Variants in GORAB observed in about 807,000 individuals in gnomAD.
GORAB encodes golgin, RAB6 interacting, also known as RAB6-interacting golgin.
GORAB carries 17 observed loss-of-function variants against 29.9 expected under a neutral mutation model. The observed-to-expected ratio is 0.57, with a 90% CI of 0.39 to 0.85. GORAB has a LOEUF of 0.85. Ranked by LOEUF, GORAB falls within the 40% of genes least tolerant of loss-of-function variation. GORAB has a pLI of 0.00. For missense variants in GORAB, 442 were observed against 437.8 expected, an observed-to-expected ratio of 1.01 and a Z score of -0.09; for synonymous variants, 183 against 157.2, an observed-to-expected ratio of 1.16 and a Z score of -1.23.
chr1:170,545,014 G>T (rs1649669817), intron 4 of GORAB, 169 bp downstream of exon 4: 18 of 1,356,022 alleles, frequency 1.3e-5, no homozygotes, highest in Non-Finnish European at 1.7e-5. Flanking sequence ...CTTCAGTGAA[G>T]TCTTCCTTAA....
At chr1:170,548,097 A>G (rs1649872778) in intron 4 of GORAB, among the ~76,000 whole-genome samples, 1 of 152,224 alleles carries the variant, frequency 6.6e-6, no homozygotes, top group Non-Finnish European at 1.5e-5. Context: ...CTTCTCTTTC[A>G]TTTCTGGAGG....
Position 170,552,450 on chromosome 1 carries a change from T to G in GORAB, c.1098T>G (p.Ala366=), listed in dbSNP as rs1310268879. ...AAGAAGGTAATGACATTTCAGCTGC[T>G]TTGGCCACATGAAGTTCTGGTATTC... ...PNQEGNDISA[A]LAT is the part of the protein sequence containing the mutation. The change falls in exon 5 of 5, where the codon GCT becomes GCG. Residue 366 remains alanine (A), a synonymous_variant. Transcript: ENST00000367763. 6.2e-7 allele frequency: 1 copy of G among 1,613,688 alleles called. No homozygotes were observed. The highest frequency in any genetic ancestry group is 1.7e-5 in the Admixed American group (1 of 60,024).
chr1:170,546,625 C>T (rs1324652838), intron 4 of GORAB, among the ~76,000 whole-genome samples: 1 of 152,074 alleles, frequency 6.6e-6, no homozygotes, highest in Non-Finnish European at 1.5e-5. Context: ...GACAGTTTCT[C>T]ATGGTACTAA....
In GORAB at chr1:170,532,200, T is replaced by C; in HGVS notation, c.-24T>C. On this transcript the variant is annotated 5_prime_UTR_variant, in exon 1 of 5. Transcript: ENST00000367763. ...CGCGGCTGCGAGATTTGGGCACTTT[T>C]GGGGGTGCCGGTGGCCCGGGCCGAT... The C allele has an allele frequency of 1.9e-6, 3 of 1,613,814 alleles. No individual in the cohort carries two copies. The highest frequency in any genetic ancestry group is 1.7e-5 in the Admixed American group (1 of 60,016).
intron 4 of GORAB, among the ~76,000 whole-genome samples, chr1:170,548,307 T>A (rs2101831082): frequency 6.6e-6 from 1 of 152,142 alleles, no homozygotes; most frequent in South Asian, 2.1e-4. Context: ...AAGATGCATG[T>A]GATTACACTT....
intron 1 of GORAB, among the ~76,000 whole-genome samples, chr1:170,534,438 A>G (rs886409547): frequency 2.0e-5 from 3 of 152,184 alleles, no homozygotes; most frequent in Non-Finnish European, 4.4e-5. Context: ...GGACTTGAGT[A>G]TGCACAGATT....
intron 2 of GORAB, among the ~76,000 whole-genome samples, chr1:170,541,697 T>C (rs1426351114): frequency 1.3e-5 from 2 of 152,336 alleles, no homozygotes; most frequent in South Asian, 4.1e-4. Context: ...TTATGGGAAA[T>C]TTTAATGTAT....
At chr1:170,542,371 A>T in intron 2 of GORAB, 120 bp from the exon 3 acceptor site, 1 of 660,182 alleles carries the variant, frequency 1.5e-6, no homozygotes. Context: ...GAAAGAACAT[A>T]TACATAAATC....
At chr1:170,540,673 T>C (rs1425099927) in intron 2 of GORAB, among the ~76,000 whole-genome samples, 3 of 152,244 alleles carry the variant, frequency 2.0e-5, no homozygotes, top group Non-Finnish European at 4.4e-5. Flanking sequence ...GAGGTAAGTT[T>C]ACATTGAGCT....
chr1:170,546,082 G>A (rs912681258), intron 4 of GORAB, among the ~76,000 whole-genome samples: 37 of 152,218 alleles, frequency 2.4e-4, no homozygotes, highest in African/African-American at 8.7e-4. Context: ...TAAGGTAGAA[G>A]TACTAGGTAC....
Position 170,552,245 on chromosome 1 carries a change from T to C in GORAB, c.893T>C (p.Val298Ala). The change falls in exon 5 of 5, where the codon GTA becomes GCA. Residue 298 changes from valine (V) to alanine (A), a missense_variant. Coordinates refer to ENST00000367763, the MANE Select transcript of GORAB (RefSeq NM_152281.3). Reference protein sequence around the residue: ...EVERLLHEQEVESRRPVVRLE... With the variant: ...EVERLLHEQEAESRRPVVRLE... ...GAGAGATTGCTACACGAACAAGAAG[T>C]AGAATCAAGGAGACCAGTGGTTCGT... 6.2e-7 allele frequency: 1 copy of C among 1,614,030 alleles called. No individual in the cohort carries two copies. The highest frequency in any genetic ancestry group is 1.7e-5 in the Admixed American group (1 of 60,012).
intron 4 of GORAB, among the ~76,000 whole-genome samples, chr1:170,548,606 C>G (rs1398506731): frequency 3.9e-5 from 6 of 152,168 alleles, no homozygotes; most frequent in Non-Finnish European, 8.8e-5. Flanking sequence ...ATGGTGTTTT[C>G]AGTCTTCTTT....
chr1:170,539,406 G>T lies in GORAB; in HGVS notation c.258G>T (p.Pro86=), dbSNP rs377442498. The change falls in exon 2 of 5, where the codon CCG becomes CCT. Residue 86 remains proline, a synonymous_variant. Transcript: ENST00000367763. The part of the protein sequence containing the change: ...QKPPFSSPTL[P]SHFTLTSPVG... ...CACCTTTTTCTTCCCCTACTCTTCC[G>T]AGTCATTTCACTCTCACCTCCCCCG... 6.2e-7 allele frequency: 1 copy of T among 1,613,956 alleles called. No individual in the cohort carries two copies. Among genetic ancestry groups the T allele is most frequent in the African/African-American group, 1.3e-5 (1 of 74,884 alleles).
intron 1 of GORAB, 137 bp downstream of exon 1, chr1:170,532,421 A>AT: frequency 1.1e-6 from 1 of 929,338 alleles, no homozygotes; most frequent in Non-Finnish European, 1.7e-6. Context: ...CGTGGACTGG[A>AT]TTAGGGGGTT....
chr1:170,532,354 CG>C, intron 1 of GORAB, 70 bp downstream of exon 1: 1 of 1,529,068 alleles, frequency 6.5e-7, no homozygotes, highest in Non-Finnish European at 9.0e-7. Flanking sequence ...GCAGCTTTGG[CG>C]GGGAAAGGGG....
chr1:170,534,892 G>A (rs1182815445), intron 1 of GORAB, among the ~76,000 whole-genome samples: 1 of 152,134 alleles, frequency 6.6e-6, no homozygotes, highest in East Asian at 1.9e-4. Flanking sequence ...TCAGGGAGAG[G>A]GAATTTCAGA....
Position 170,539,236 on chromosome 1 carries a change from C to G in GORAB, c.88C>G (p.Pro30Ala). 3 of 1,614,094 alleles carry G rather than the reference C, an allele frequency of 1.9e-6. No individual in the cohort carries two copies. Among genetic ancestry groups the G allele is most frequent in the Non-Finnish European group, 2.5e-6 (3 of 1,180,004 alleles). ...TCCATTTGAACCACAGCGACGTCTC[C>G]CCGCGAAGAAAAGTCGACAACAACT... ...KDPFEPQRRL[P>A]AKKSRQQLQR... The change falls in exon 2 of 5, where the codon CCC becomes GCC. Residue 30 changes from proline to alanine, a missense_variant. Coordinates refer to ENST00000367763, the MANE Select transcript of GORAB (RefSeq NM_152281.3).
In GORAB at chr1:170,552,213, G is replaced by A; in HGVS notation, c.861G>A (p.Val287=). The change falls in exon 5 of 5, where the codon GTG becomes GTA. Residue 287 remains valine (V), a synonymous_variant. Transcript: ENST00000367763. ...EADEETLELE[V]EVERLLHEQE... ...ATGAAGAGACTTTGGAGCTTGAGGT[G>A]GAGGTCGAGAGATTGCTACACGAAC... 6.2e-7 allele frequency: 1 copy of A among 1,614,126 alleles called. No individual in the cohort carries two copies. The highest frequency in any genetic ancestry group is 8.5e-7 in the Non-Finnish European group (1 of 1,179,984).
chr1:170,534,407 G>A (rs930720738), intron 1 of GORAB, among the ~76,000 whole-genome samples: 7 of 152,142 alleles, frequency 4.6e-5, no homozygotes, highest in Admixed American at 4.6e-4. Flanking sequence ...GGTGTATGTG[G>A]TCTTCACAGC....
Sources: gnomAD v4.1 joint callset for allele counts (sites outside exome capture counted in the v4.1 genomes callset) on GRCh38, gnomAD v4.1.1 for gene constraint, MANE v1.5 for transcripts, NCBI Gene and HGNC (gene_info 2026-07-23, HGNC 2026-07-21) for gene names.